Variants in MS4A4E observed in about 807,000 individuals in gnomAD.
MS4A4E encodes the protein membrane spanning 4-domains A4E.
A neutral mutation model predicts 13.3 loss-of-function variants in MS4A4E; 23 were observed. The ratio of observed to expected loss-of-function variants is 1.73; its 90% confidence interval spans 1.25 to 2.45. The LOEUF (loss-of-function observed/expected upper bound fraction) is 2.45, where lower values mean the gene tolerates loss of function less well. Among genes scored for constraint, MS4A4E ranks in the 30% most tolerant of loss-of-function variants. The pLI, the probability that MS4A4E is intolerant of heterozygous loss-of-function variation, is 0.00. For synonymous variants in MS4A4E, 36 were observed against 45.6 expected (o/e 0.79, Z 0.85); for missense variants, 144 against 131.2 (o/e 1.10, Z -0.48).
At chr11:60,204,555 C>G (rs1414907747) in intron 8 of MS4A4E, among the ~76,000 whole-genome samples, 1 of 152,190 alleles carries the variant, frequency 6.6e-6, no homozygotes, top group East Asian at 1.9e-4. Flanking sequence ...TCTCTTTCCT[C>G]TTTCCTGTTG....
In MS4A4E at chr11:60,204,968, G is replaced by A. The variant is rs79400572; in HGVS notation, c.591-10C>T. Among the ~76,000 whole-genome samples the A allele has an allele frequency of 8.8e-3, 1,335 of 152,272 alleles. 21 individuals are homozygous for A. The highest frequency in any genetic ancestry group is 0.011 in the Non-Finnish European group (749 of 68,014). ...CTGTCCATCTCCGGAGCTGGAGAAA[G>A]TAGACAGGTTAGCATTGAAAGAAGG... On this transcript the variant is annotated splice_polypyrimidine_tract_variant and intron_variant, in intron 7 of 8. Coordinates refer to ENST00000651255, the MANE Select transcript of MS4A4E (RefSeq NM_001393391.1).
At chr11:60,215,607 C>T (rs2084182735) in intron 3 of MS4A4E, among the ~76,000 whole-genome samples, 1 of 151,404 alleles carries the variant, frequency 6.6e-6, no homozygotes, top group Non-Finnish European at 1.5e-5. Flanking sequence ...AAGTCTTTAT[C>T]ATGTTTAATG....
At position 60,200,318 on chromosome 11, in the gene MS4A4E, T is replaced by G. The variant is rs144430111; in HGVS notation, c.*1225A>C. ...TATTTATTTAATTTTTTATTGACCA[T>G]TCTTGGGTGTTTCTCACAGAGGGGG... On this transcript the variant is annotated 3_prime_UTR_variant, in exon 9 of 9. Transcript: ENST00000651255. 0.013 allele frequency among the ~76,000 whole-genome samples: 1,989 copies of G among 152,140 alleles called. 38 individuals are homozygous for G. The highest frequency in any genetic ancestry group is 0.045 in the African/African-American group (1,862 of 41,486).
chr11:60,201,629 G>T lies in MS4A4E; in HGVS notation c.910C>A (p.Pro304Thr). 3.1e-6 allele frequency: 1 copy of T among 321,494 alleles called. No homozygotes were observed. The highest frequency in any genetic ancestry group is 6.3e-6 in the Non-Finnish European group (1 of 159,856). 19.9% of individuals were successfully genotyped at this position (321,494 alleles called of 1,614,324 possible). A position where few individuals can be genotyped will look rare whatever the true frequency, so the allele number is the denominator to read the frequency against. ...SEERLCPAAI[P>T]SRKWGAPLPG... ...AGAGGCGCTCCCCACTTCCTAGATGGGATGGCAGCCGGGCAGAGACGCTCC... is the reference window on the plus strand; with the variant it reads ...AGAGGCGCTCCCCACTTCCTAGATGTGATGGCAGCCGGGCAGAGACGCTCC... The change falls in exon 9 of 9, where the codon CCA (proline) becomes ACA (threonine). Residue 304 changes from proline (P) to threonine (T), a missense_variant. Pro to Thr is a conservative substitution (Grantham distance 38). Coordinates refer to ENST00000651255, the MANE Select transcript of MS4A4E (RefSeq NM_001393391.1).
intron 3 of MS4A4E, among the ~76,000 whole-genome samples, chr11:60,215,018 A>G (rs2084173402): frequency 6.6e-6 from 1 of 152,208 alleles, no homozygotes; most frequent in African/African-American, 2.4e-5. Context: ...ATAGTAGCAC[A>G]TAAAATTTAG....
At chr11:60,227,872 T>C (rs1426902311) in intron 3 of MS4A4E, among the ~76,000 whole-genome samples, 3 of 151,926 alleles carry the variant, frequency 2.0e-5, no homozygotes, top group Admixed American at 2.0e-4. Flanking sequence ...AAAAAAATAC[T>C]ACTTAAAAAA....
intron 8 of MS4A4E, among the ~76,000 whole-genome samples, chr11:60,202,860 A>T (rs960116448): frequency 1.3e-5 from 2 of 152,210 alleles, no homozygotes; most frequent in African/African-American, 4.8e-5. Flanking sequence ...ATCTCATTTT[A>T]CCTAACTCAC....
intron 3 of MS4A4E, among the ~76,000 whole-genome samples, chr11:60,223,439 T>C (rs2084298722): frequency 6.6e-6 from 1 of 152,196 alleles, no homozygotes; most frequent in Non-Finnish European, 1.5e-5. Context: ...TTTTCTTTAT[T>C]TGAAAATCAT....
chr11:60,207,574 A>G (rs776086679), intron 6 of MS4A4E, among the ~76,000 whole-genome samples: 2 of 152,182 alleles, frequency 1.3e-5, no homozygotes, highest in Non-Finnish European at 2.9e-5. Flanking sequence ...GAGGCACAAA[A>G]TGATGGAGAA....
intron 1 of MS4A4E, among the ~76,000 whole-genome samples, chr11:60,234,686 T>C (rs576973584): frequency 6.6e-6 from 1 of 150,694 alleles, no homozygotes; most frequent in Admixed American, 6.6e-5. Flanking sequence ...ACATGAAAGA[T>C]AAAAAAAATT....
intron 3 of MS4A4E, among the ~76,000 whole-genome samples, chr11:60,225,320 T>C (rs961251214): frequency 2.0e-5 from 3 of 152,132 alleles, no homozygotes; most frequent in Non-Finnish European, 2.9e-5. Context: ...TTAAAAGGAG[T>C]ATGCCAGAAC....
chr11:60,243,056 C>G lies in MS4A4E; in HGVS notation c.-115G>C, dbSNP rs535677830. The G allele has an allele frequency of 1.3e-3, 1,344 of 1,071,130 alleles. 3 individuals are homozygous for G. The highest frequency in any genetic ancestry group is 1.9e-3 in the South Asian group (126 of 65,496). 66.4% of individuals were successfully genotyped at this position (1,071,130 alleles called of 1,614,324 possible). On this transcript the variant is annotated 5_prime_UTR_variant, in exon 1 of 9. Coordinates refer to ENST00000651255, the MANE Select transcript of MS4A4E (RefSeq NM_001393391.1). Reference sequence around the variant, plus strand: ...TGTTCCAGACACAGTCAGCTTCCCCCACTCCACACCTCACTCAGTTTAAAT... The same window carrying G: ...TGTTCCAGACACAGTCAGCTTCCCCGACTCCACACCTCACTCAGTTTAAAT...
At chr11:60,232,014 T>C (rs889699272) in intron 1 of MS4A4E, among the ~76,000 whole-genome samples, 3 of 152,098 alleles carry the variant, frequency 2.0e-5, no homozygotes, top group Non-Finnish European at 4.4e-5. Flanking sequence ...TGCAACATTG[T>C]CTCAAACAAA....
At chr11:60,211,817 G>A (rs2084124816) in intron 5 of MS4A4E, among the ~76,000 whole-genome samples, 1 of 152,198 alleles carries the variant, frequency 6.6e-6, no homozygotes, top group South Asian at 2.1e-4. Context: ...GGATGCTGAG[G>A]CAGGAGAATC....
intron 5 of MS4A4E, among the ~76,000 whole-genome samples, chr11:60,211,569 A>T (rs1464281043): frequency 6.6e-6 from 1 of 152,192 alleles, no homozygotes. Context: ...ATAGAGAGGA[A>T]AAGTAACTGA....
At chr11:60,214,468 T>A in intron 4 of MS4A4E, 103 bp downstream of exon 4, 2 of 775,132 alleles carry the variant, frequency 2.6e-6, no homozygotes, top group East Asian at 6.3e-5. Context: ...TAGTTGCTCC[T>A]GACTTTTTTA....
At chr11:60,234,862 A>T (rs1394375848) in intron 1 of MS4A4E, among the ~76,000 whole-genome samples, 1 of 144,300 alleles carries the variant, frequency 6.9e-6, no homozygotes, top group African/African-American at 2.5e-5. Flanking sequence ...TAAATTCTTC[A>T]ATCACAGAGT....
intron 7 of MS4A4E, among the ~76,000 whole-genome samples, 92 bp downstream of exon 7, chr11:60,205,622 C>T (rs571182504): frequency 2.0e-5 from 3 of 152,238 alleles, no homozygotes; most frequent in African/African-American, 7.2e-5. Flanking sequence ...AATTTTGTGG[C>T]ATGTTCATAG....
At position 60,200,819 on chromosome 11, in the gene MS4A4E, T is replaced by C. The variant is rs1263425279; in HGVS notation, c.*724A>G. Reference sequence around the variant, plus strand: ...TGAGCTATTGGGTACACTTCCCAGATGGGGTGGTGGCCGGGCAGAGGGGCT... The same window carrying C: ...TGAGCTATTGGGTACACTTCCCAGACGGGGTGGTGGCCGGGCAGAGGGGCT... On this transcript the variant is annotated 3_prime_UTR_variant, in exon 9 of 9. Coordinates refer to ENST00000651255, the MANE Select transcript of MS4A4E (RefSeq NM_001393391.1). 1.8e-3 allele frequency among the ~76,000 whole-genome samples: 278 copies of C among 152,222 alleles called. 1 individual carries two copies. The highest frequency in any genetic ancestry group is 5.7e-3 in the African/African-American group (235 of 41,540).
Sources: allele counts gnomAD v4.1 joint callset (sites outside exome capture counted in the v4.1 genomes callset), GRCh38; gene constraint gnomAD v4.1.1; transcripts MANE v1.5; gene names NCBI Gene and HGNC (gene_info 2026-07-23, HGNC 2026-07-21).